Variants in LRP1B observed in about 807,000 individuals in gnomAD.
LRP1B encodes low-density lipoprotein receptor-related protein 1B.
A neutral mutation model predicts 556.6 loss-of-function variants in LRP1B; 217 were observed. The observed-to-expected ratio is 0.39, with a 90% CI of 0.35 to 0.44. The LOEUF (loss-of-function observed/expected upper bound fraction) is 0.44, where lower values mean the gene tolerates loss of function less well. LRP1B is among the 20% of genes least tolerant of loss of function. The pLI, the probability that LRP1B is intolerant of heterozygous loss-of-function variation, is 1.00. For synonymous variants in LRP1B, 2,047 were observed against 1,865.8 expected, an observed-to-expected ratio of 1.10 and a Z score of -2.50; for missense variants, 5,053 against 5,620.8, an observed-to-expected ratio of 0.90 and a Z score of 3.23.
chr2:140,818,829 CG>C (rs1691216324), intron 31 of LRP1B, among the ~76,000 whole-genome samples: 1 of 150,766 alleles, frequency 6.6e-6, no homozygotes, highest in East Asian at 2.0e-4. Flanking sequence ...TGTAGCTACT[CG>C]GGAGGCTGAG....
chr2:140,483,639 TA>T (rs869120825), intron 59 of LRP1B, among the ~76,000 whole-genome samples: 1,741 of 62,290 alleles, frequency 0.028, 14 homozygotes, highest in East Asian at 0.086. Flanking sequence ...TATATATATA[TA>T]TTTTTTTTTT....
At chr2:140,959,953 T>C (rs1695984790) in intron 18 of LRP1B, among the ~76,000 whole-genome samples, 1 of 151,678 alleles carries the variant, frequency 6.6e-6, no homozygotes, top group Non-Finnish European at 1.5e-5. Context: ...GGCCCTGAAG[T>C]AGTAGTGAGG....
Position 141,073,444 on chromosome 2 carries a change from G to T in LRP1B, c.1014-11171C>A, listed in dbSNP as rs145361197. Among the ~76,000 whole-genome samples the T allele has an allele frequency of 2.7e-3, 406 of 151,704 alleles. 4 individuals are homozygous for T. The highest frequency in any genetic ancestry group is 9.5e-3 in the African/African-American group (392 of 41,376). On this transcript the variant is annotated intron_variant, in intron 7 of 90. Transcript: ENST00000389484. ...TTCTCCACCTCTTCTCTCTACATCAGGTCCAGAATTCTACTAATGGAGTAC... is the reference window on the plus strand; with the variant it reads ...TTCTCCACCTCTTCTCTCTACATCATGTCCAGAATTCTACTAATGGAGTAC...
intron 2 of LRP1B, among the ~76,000 whole-genome samples, chr2:141,732,494 TTTCTGTAGGCTGGAGTA>T (rs1693311922): frequency 6.6e-6 from 1 of 152,170 alleles, no homozygotes; most frequent in Non-Finnish European, 1.5e-5. Flanking sequence ...ACCCTTCGTC[TTTCTGTAGGCTGGAGTA>T]TTTTTGGACA....
rs1700826770 is a variant in LRP1B at position 141,942,169 on chromosome 2, C to T, written c.83-131768G>A. Among the ~76,000 whole-genome samples the T allele has an allele frequency of 2.6e-5, 4 of 152,052 alleles. No homozygotes were observed. In the South Asian group the frequency reaches 8.3e-4, roughly 31 times the overall value. ...TACAGATTGGTGTGCTTTTGATGAG[C>T]ATTGTTCTCTCCTCAACCAACCTCC... On this transcript the variant is annotated intron_variant, in intron 1 of 90. Coordinates refer to ENST00000389484, the MANE Select transcript of LRP1B (RefSeq NM_018557.3).
intron 3 of LRP1B, among the ~76,000 whole-genome samples, chr2:141,297,867 A>G (rs1298996165): frequency 6.6e-6 from 1 of 152,184 alleles, no homozygotes; most frequent in Non-Finnish European, 1.5e-5. Context: ...TATCCAGTAT[A>G]ATAATATGCT....
At chr2:141,319,349 C>T (rs1687153346) in intron 3 of LRP1B, among the ~76,000 whole-genome samples, 1 of 129,976 alleles carries the variant, frequency 7.7e-6, no homozygotes, top group Non-Finnish European at 1.5e-5. Context: ...AAATGTTCCT[C>T]AGGACATGTC....
chr2:140,519,555 G>A (rs953721807), intron 49 of LRP1B, among the ~76,000 whole-genome samples: 1 of 152,080 alleles, frequency 6.6e-6, no homozygotes, highest in Non-Finnish European at 1.5e-5. Flanking sequence ...GTAAGGGCAA[G>A]GACTTCATGA....
chr2:141,134,473 A>G (rs1425664552), intron 7 of LRP1B, among the ~76,000 whole-genome samples: 2 of 151,722 alleles, frequency 1.3e-5, no homozygotes, highest in East Asian at 3.9e-4. Flanking sequence ...AACATCCCCT[A>G]TGGGTACACT....
chr2:141,016,871 T>G (rs1431761363), intron 12 of LRP1B, among the ~76,000 whole-genome samples: 1 of 152,176 alleles, frequency 6.6e-6, no homozygotes, highest in African/African-American at 2.4e-5. Context: ...CCTCCCCCAT[T>G]TTGTAGACCC....
At chr2:141,083,475 G>T (rs767959152) in intron 7 of LRP1B, among the ~76,000 whole-genome samples, 48 of 151,966 alleles carry the variant, frequency 3.2e-4, no homozygotes, top group Middle Eastern at 3.4e-3. Context: ...ATGCAGCATA[G>T]CATAATGGTT....
intron 41 of LRP1B, among the ~76,000 whole-genome samples, chr2:140,696,833 T>A (rs1686445928): frequency 6.6e-6 from 1 of 152,184 alleles, no homozygotes; most frequent in Non-Finnish European, 1.5e-5. Flanking sequence ...AAAAATTATC[T>A]TCCATCAAAC....
At chr2:140,537,059 T>C (rs1001135093) in intron 45 of LRP1B, among the ~76,000 whole-genome samples, 1 of 150,976 alleles carries the variant, frequency 6.6e-6, no homozygotes, top group Admixed American at 6.6e-5. Context: ...TAGTCCCAGC[T>C]ACTTGGGAGG....
intron 25 of LRP1B, among the ~76,000 whole-genome samples, chr2:140,882,486 A>G (rs1040294251): frequency 1.1e-4 from 17 of 152,202 alleles, no homozygotes; most frequent in African/African-American, 4.1e-4. Context: ...CCTATTTTAC[A>G]AAAGAAGGCA....
In LRP1B at chr2:141,323,921, C is replaced by CCACACACACACACACA. The variant is rs57844457; in HGVS notation, c.344-69296_344-69281dup. 3.5e-4 allele frequency among the ~76,000 whole-genome samples: 46 copies of CCACACACACACACACA among 129,988 alleles called. 1 individual carries two copies. The highest frequency in any genetic ancestry group is 2.9e-3 in the South Asian group (11 of 3,784). The allele number at this position is 129,988 out of a possible 152,430, so 85.3% of individuals were successfully genotyped here. A position where few individuals can be genotyped will look rare whatever the true frequency, so the allele number is the denominator to read the frequency against. On this transcript the variant is annotated intron_variant, in intron 3 of 90. Transcript: ENST00000389484. The stretch of plus-strand genomic sequence containing the variant: ...ACACACACACACCTGAACGAGGAAA[C>CCACACACACACACACA]CACACACACACACACACATCTGAAC...
In LRP1B at chr2:140,297,880, A is replaced by C. The variant is rs753948830; in HGVS notation, c.12895T>G (p.Cys4299Gly). The C allele has an allele frequency of 1.2e-6, 2 of 1,614,088 alleles. No individual in the cohort carries two copies. The highest frequency in any genetic ancestry group is 8.5e-7 in the Non-Finnish European group (1 of 1,179,946). ...GGCTGGTTTCCAGCAGTCACAATGC[A>C]GGTTCCTCCATTTTGACAAAAATCC... ...CEDFCQNGGT[C>G]IVTAGNQPYC... The change falls in exon 84 of 91, where the codon TGC (cysteine) becomes GGC (glycine). Residue 4299 changes from cysteine to glycine, a missense_variant. This residue lies in a region of LRP1B where 551 missense variants were observed against 592.0 expected (regional missense o/e 0.93). Coordinates refer to ENST00000389484, the MANE Select transcript of LRP1B (RefSeq NM_018557.3).
intron 41 of LRP1B, among the ~76,000 whole-genome samples, chr2:140,637,522 A>G (rs1347905247): frequency 6.6e-6 from 1 of 152,218 alleles, no homozygotes; most frequent in African/African-American, 2.4e-5. Context: ...ACAGCTTTCA[A>G]GCTAGGCCCC....
chr2:140,247,219 C>T (rs1681204818), intron 86 of LRP1B, 57 bp from the exon 87 acceptor site: 5 of 1,219,054 alleles, frequency 4.1e-6, no homozygotes, highest in African/African-American at 3.0e-5. Context: ...GCCCAGAAGT[C>T]AGCTAATGTA....
intron 2 of LRP1B, among the ~76,000 whole-genome samples, chr2:141,611,278 G>A (rs537117540): frequency 1.3e-5 from 2 of 152,248 alleles, no homozygotes; most frequent in South Asian, 4.1e-4. Context: ...TACTTATTTT[G>A]CAGATAAGGA....
Sources: allele counts gnomAD v4.1 joint callset (sites outside exome capture counted in the v4.1 genomes callset), GRCh38; gene constraint gnomAD v4.1.1; regional missense constraint gnomAD v4.1.1; transcripts MANE v1.5; gene names NCBI Gene and HGNC (gene_info 2026-07-23, HGNC 2026-07-21).